The following LCLAT1 variants were observed in gnomAD, a reference collection of about 807,000 sequenced individuals.
The protein encoded by LCLAT1 is 1-AGP acyltransferase 8.
LCLAT1 carries 11 observed loss-of-function variants against 30.7 expected under a neutral mutation model. The observed-to-expected ratio is 0.36, with a 90% CI of 0.23 to 0.59. The LOEUF is 0.59. Among genes scored for constraint, LCLAT1 ranks in the 20% least tolerant of loss-of-function variants. The probability of loss-of-function intolerance (pLI) is 0.77; values close to 1 mark genes in which losing one functional copy is unlikely to be tolerated. For missense variants in LCLAT1, 402 were observed against 458.6 expected, an observed-to-expected ratio of 0.88 and a Z score of 1.13; for synonymous variants, 155 against 151.3, an observed-to-expected ratio of 1.02 and a Z score of -0.18.
chr2:30,491,453 A>G (rs960747675), intron 1 of LCLAT1, among the ~76,000 whole-genome samples: 1 of 152,170 alleles, frequency 6.6e-6, no homozygotes, highest in Non-Finnish European at 1.5e-5. Context: ...TCGAGTGAGT[A>G]ATGGAGTTAG....
intron 5 of LCLAT1, among the ~76,000 whole-genome samples, chr2:30,598,286 T>G (rs1330252821): frequency 2.6e-5 from 4 of 152,142 alleles, no homozygotes; most frequent in Non-Finnish European, 4.4e-5. Flanking sequence ...TTTTTTTGGT[T>G]GGTAGGTTAT....
chr2:30,494,400 G>A (rs1572522993), intron 1 of LCLAT1, among the ~76,000 whole-genome samples: 3 of 152,110 alleles, frequency 2.0e-5, no homozygotes, highest in Admixed American at 6.5e-5. Context: ...ACATGGTCCC[G>A]ATAGCTGGAA....
intron 3 of LCLAT1, among the ~76,000 whole-genome samples, chr2:30,549,648 G>C (rs1276225715): frequency 6.6e-6 from 1 of 152,194 alleles, no homozygotes; most frequent in Non-Finnish European, 1.5e-5. Context: ...GTATCTCATA[G>C]TTGGTAACTT....
chr2:30,535,637 T>C (rs978058634), intron 3 of LCLAT1, among the ~76,000 whole-genome samples: 26 of 152,198 alleles, frequency 1.7e-4, no homozygotes, highest in Non-Finnish European at 1.5e-5. Flanking sequence ...CAACTGAGAC[T>C]GTATGACATA....
chr2:30,448,359 AT>A (rs71405513), intron 1 of LCLAT1, among the ~76,000 whole-genome samples: 16,999 of 152,264 alleles, frequency 0.11, 1,242 homozygotes, highest in East Asian at 0.29. Context: ...TGTAAAACAT[AT>A]TTTTTGAGAG....
chr2:30,588,514 ACT>A (rs1666541212), intron 5 of LCLAT1, among the ~76,000 whole-genome samples: 1 of 151,760 alleles, frequency 6.6e-6, no homozygotes, highest in South Asian at 2.1e-4. Flanking sequence ...TCCTAACCAG[ACT>A]CTGAGGCCTC....
intron 3 of LCLAT1, among the ~76,000 whole-genome samples, chr2:30,534,643 G>T (rs1381124208): frequency 1.3e-5 from 2 of 152,106 alleles, no homozygotes; most frequent in African/African-American, 2.4e-5. Flanking sequence ...TTCCAATATA[G>T]TGATCTCAGA....
At chr2:30,621,400 T>G (rs950641775) in intron 5 of LCLAT1, among the ~76,000 whole-genome samples, 2 of 152,064 alleles carry the variant, frequency 1.3e-5, no homozygotes, top group Admixed American at 6.6e-5. Context: ...AAGAGATTAG[T>G]GCCCTTACAA....
intron 1 of LCLAT1, among the ~76,000 whole-genome samples, chr2:30,455,184 A>C (rs979732333): frequency 6.6e-6 from 1 of 152,104 alleles, no homozygotes; most frequent in African/African-American, 2.4e-5. Context: ...AAAATTTAGG[A>C]GTGTTACGTT....
intron 5 of LCLAT1, among the ~76,000 whole-genome samples, chr2:30,591,806 T>C (rs1012200798): frequency 6.6e-6 from 1 of 152,170 alleles, no homozygotes; most frequent in African/African-American, 2.4e-5. Flanking sequence ...TCAAATACTA[T>C]CTAGTCCAGA....
At chr2:30,498,094 A>T (rs1684205022) in intron 1 of LCLAT1, among the ~76,000 whole-genome samples, 1 of 152,186 alleles carries the variant, frequency 6.6e-6, no homozygotes, top group Admixed American at 6.5e-5. Flanking sequence ...AGGAGCATGG[A>T]CACCAAGGGT....
intron 5 of LCLAT1, among the ~76,000 whole-genome samples, chr2:30,576,358 GAGAT>G (rs1458732026): frequency 2.0e-5 from 3 of 152,126 alleles, no homozygotes; most frequent in African/African-American, 7.2e-5. Flanking sequence ...GCAAAAGTGA[GAGAT>G]AGAAAACAAC....
At chr2:30,477,584 C>T (rs1683112843) in intron 1 of LCLAT1, among the ~76,000 whole-genome samples, 2 of 152,088 alleles carry the variant, frequency 1.3e-5, no homozygotes, top group Non-Finnish European at 2.9e-5. Flanking sequence ...CCTGAGCACC[C>T]CTTAGGCTTC....
intron 5 of LCLAT1, among the ~76,000 whole-genome samples, chr2:30,594,856 G>T (rs1666860189): frequency 6.6e-6 from 1 of 152,110 alleles, no homozygotes; most frequent in African/African-American, 2.4e-5. Context: ...TTTGAATCTT[G>T]CTGTATAACC....
chr2:30,613,375 T>G (rs2609924), intron 5 of LCLAT1, among the ~76,000 whole-genome samples: 133,710 of 152,086 alleles, frequency 0.88, 59,190 homozygotes, highest in African/African-American at 0.97. Context: ...AATTAGAAAG[T>G]TATTTGTAAT....
intron 1 of LCLAT1, among the ~76,000 whole-genome samples, chr2:30,519,376 G>C (rs1685359158): frequency 6.6e-6 from 1 of 152,138 alleles, no homozygotes; most frequent in South Asian, 2.1e-4. Flanking sequence ...GACATCAAAG[G>C]CTCCCCTACC....
rs142930404 is a variant in LCLAT1, at chr2:30,509,477, G to A, written c.-4-16110G>A. 6.6e-5 allele frequency among the ~76,000 whole-genome samples: 10 copies of A among 152,200 alleles called. No homozygotes were observed. The East Asian group carries it at 1.9e-3, about 29-fold the overall frequency. On this transcript the variant is annotated intron_variant, in intron 1 of 5. Coordinates refer to ENST00000379509, the MANE Select transcript of LCLAT1 (RefSeq NM_001002257.3). Reference sequence around the variant, plus strand: ...TATTGAGAGTTTTCAACATGAATGGGGTGTTGAATAGTATAGCTGTCCAGT... The same window carrying A: ...TATTGAGAGTTTTCAACATGAATGGAGTGTTGAATAGTATAGCTGTCCAGT...
rs1418219712 is a variant in LCLAT1, at chr2:30,457,547, C to T, written c.-5+10164C>T. Among the ~76,000 whole-genome samples, 4 of 152,136 alleles carry T rather than the reference C, an allele frequency of 2.6e-5. No individual in the cohort carries two copies. In the South Asian group the frequency reaches 8.3e-4, roughly 32 times the overall value. ...TTGGAAGTACAATGGTTTTCTTTTT[C>T]TCTTTTGTGGAAGAAGCCAGTTTTT... On this transcript the variant is annotated intron_variant, in intron 1 of 5. Transcript: ENST00000379509.
intron 1 of LCLAT1, among the ~76,000 whole-genome samples, chr2:30,502,247 T>A (rs1684437270): frequency 6.6e-6 from 1 of 152,234 alleles, no homozygotes; most frequent in Admixed American, 6.5e-5. Context: ...TTCTAATTTG[T>A]AAGGTGATAG....
Sources: gnomAD v4.1 joint callset for allele counts (sites outside exome capture counted in the v4.1 genomes callset) on GRCh38, gnomAD v4.1.1 for gene constraint, MANE v1.5 for transcripts, NCBI Gene and HGNC (gene_info 2026-07-23, HGNC 2026-07-21) for gene names.